Variants in ALK observed in about 807,000 individuals in gnomAD.
ALK encodes ALK tyrosine kinase receptor.
A neutral mutation model predicts 163.1 loss-of-function variants in ALK; 74 were observed. That is an observed-to-expected ratio of 0.45 (90% CI 0.38 to 0.55). The LOEUF (loss-of-function observed/expected upper bound fraction) is 0.55. Ranked by LOEUF, ALK falls within the 20% of genes least tolerant of loss-of-function variation. ALK has a pLI of 0.00. For synonymous variants in ALK, 960 were observed against 843.2 expected (o/e 1.14, Z -2.40); for missense variants, 2,063 against 2,105.3 (o/e 0.98, Z 0.39).
At chr2:29,488,233 G>A (rs1167316458) in intron 4 of ALK, among the ~76,000 whole-genome samples, 1 of 152,056 alleles carries the variant, frequency 6.6e-6, no homozygotes, top group Non-Finnish European at 1.5e-5. Context: ...TGCTTTTCAG[G>A]CAACTGACAA....
intron 1 of ALK, among the ~76,000 whole-genome samples, chr2:29,919,098 G>A (rs1667913275): frequency 6.6e-6 from 1 of 152,178 alleles, no homozygotes; most frequent in Admixed American, 6.5e-5. Context: ...AAATGAGGGA[G>A]TAAATGAAAC....
intron 3 of ALK, among the ~76,000 whole-genome samples, chr2:29,544,680 C>A (rs1302226854): frequency 6.6e-6 from 1 of 151,900 alleles, no homozygotes; most frequent in East Asian, 1.9e-4. Context: ...GTCTTTTCTG[C>A]TTGTCTGACT....
intron 4 of ALK, among the ~76,000 whole-genome samples, chr2:29,427,145 C>G (rs547306232): frequency 2.8e-3 from 68 of 24,296 alleles, no homozygotes; most frequent in Non-Finnish European, 6.0e-3. Context: ...TGATAATAAC[C>G]GCACAAAGGA....
chr2:29,412,800 G>GC (rs1558313187), intron 4 of ALK, among the ~76,000 whole-genome samples: 1 of 152,170 alleles, frequency 6.6e-6, no homozygotes, highest in Non-Finnish European at 1.5e-5. Flanking sequence ...TTGCAAACAA[G>GC]CTTTTTGCTT....
intron 1 of ALK, among the ~76,000 whole-genome samples, chr2:29,825,326 G>A (rs779435642): frequency 3.9e-5 from 6 of 152,188 alleles, no homozygotes; most frequent in Non-Finnish European, 8.8e-5. Flanking sequence ...AGTGCCTATT[G>A]TGTGGTCAGA....
intron 1 of ALK, among the ~76,000 whole-genome samples, chr2:29,864,303 C>T (rs1666370034): frequency 6.6e-6 from 1 of 152,202 alleles, no homozygotes; most frequent in African/African-American, 2.4e-5. Context: ...TTTGCCCAAA[C>T]CACTTCTCAT....
rs2148290067 is a variant in ALK, at chr2:29,695,012, G to C, written c.790C>G (p.Leu264Val). ...PFLSHRSRYGLECSFDFPCEL... is the reference protein window; with the variant it reads ...PFLSHRSRYGVECSFDFPCEL... The stretch of plus-strand genomic sequence containing the variant: ...CAGGGGAAGTCAAAGCTGCACTCCA[G>C]ACCTGCAATAATAGCCAAGGGTCAA... Residue 264 changes from leucine to valine, a missense_variant and splice_region_variant, in exon 3 of 29, where the codon CTG becomes GTG. Physicochemically the swap from Leu to Val is conservative, Grantham distance 32. This residue lies in a region of ALK where 987 missense variants were observed against 939.5 expected (regional missense o/e 1.05). Coordinates refer to ENST00000389048, the MANE Select transcript of ALK (RefSeq NM_004304.5). 6.2e-7 allele frequency: 1 copy of C among 1,614,022 alleles called. No individual in the cohort carries two copies. The highest frequency in any genetic ancestry group is 8.5e-7 in the Non-Finnish European group (1 of 1,179,962).
At chr2:29,891,990 C>G (rs908485559) in intron 1 of ALK, among the ~76,000 whole-genome samples, 1 of 152,212 alleles carries the variant, frequency 6.6e-6, no homozygotes, top group Non-Finnish European at 1.5e-5. Context: ...CCCAGTCAAC[C>G]GGCTTTCTAT....
At chr2:29,717,502 C>T in intron 2 of ALK, 76 bp downstream of exon 2, 1 of 1,579,948 alleles carries the variant, frequency 6.3e-7, no homozygotes, top group Non-Finnish European at 8.7e-7. Context: ...ACTATGAATC[C>T]CAAACTGAAA....
intron 1 of ALK, among the ~76,000 whole-genome samples, chr2:29,789,810 G>A (rs1027337966): frequency 1.3e-5 from 2 of 152,176 alleles, no homozygotes; most frequent in African/African-American, 4.8e-5. Context: ...AGTGGAACCT[G>A]GATAATATTA....
At chr2:29,335,284 T>C (rs1667577264) in intron 5 of ALK, among the ~76,000 whole-genome samples, 1 of 152,184 alleles carries the variant, frequency 6.6e-6, no homozygotes, top group Admixed American at 6.5e-5. Context: ...CATATTAGCC[T>C]TTGAAATGGC....
rs749074853 is a variant in ALK, at chr2:29,209,829, C to G, written c.3793G>C (p.Val1265Leu). Residue 1265 changes from valine to leucine, a missense_variant, in exon 25 of 29, where the codon GTG (valine) becomes CTG (leucine). Val to Leu is a conservative substitution (Grantham distance 32, BLOSUM62 1). This residue lies in a region of ALK where 83 missense variants were observed against 139.7 expected (regional missense o/e 0.59). Transcript: ENST00000389048. ...ATCCCGAAGTCTCCAATCTTGGCCA[C>G]TCTTCCAGGGCCTGGACAGGTCAAG... is the stretch of plus-strand genomic sequence containing the variant. ...CLLTCPGPGRVAKIGDFGMAR... is the reference protein window; with the variant it reads ...CLLTCPGPGRLAKIGDFGMAR... 1 of 1,614,198 alleles carries G rather than the reference C, an allele frequency of 6.2e-7. No individual in the cohort carries two copies.
chr2:29,568,984 G>A (rs1308225442), intron 3 of ALK, among the ~76,000 whole-genome samples: 1 of 152,120 alleles, frequency 6.6e-6, no homozygotes, highest in African/African-American at 2.4e-5. Flanking sequence ...CAGGGCGGGG[G>A]ATGAGTCTTT....
intron 1 of ALK, among the ~76,000 whole-genome samples, chr2:29,780,103 G>C (rs1313938419): frequency 2.0e-5 from 3 of 152,192 alleles, no homozygotes; most frequent in Admixed American, 2.0e-4. Context: ...CAAAAACGCA[G>C]ACTGAAGATT....
At chr2:29,308,175 A>G (rs183872765) in intron 8 of ALK, among the ~76,000 whole-genome samples, 153 of 152,236 alleles carry the variant, frequency 1.0e-3, no homozygotes, top group Non-Finnish European at 1.8e-3. Context: ...ATGTTTATGA[A>G]GACTAATATT....
chr2:29,845,797 C>G (rs531498919), intron 1 of ALK, among the ~76,000 whole-genome samples: 3 of 152,272 alleles, frequency 2.0e-5, no homozygotes, highest in South Asian at 2.1e-4. Flanking sequence ...GGAAGACTCC[C>G]AGAAACCTTT....
intron 9 of ALK, among the ~76,000 whole-genome samples, chr2:29,279,358 C>T (rs1197776691): frequency 6.6e-6 from 1 of 152,182 alleles, no homozygotes; most frequent in Non-Finnish European, 1.5e-5. Context: ...CACATGGGTG[C>T]CTCTGTCCAT....
chr2:29,792,189 T>C (rs752791907), intron 1 of ALK, among the ~76,000 whole-genome samples: 3 of 152,152 alleles, frequency 2.0e-5, no homozygotes, highest in Non-Finnish European at 4.4e-5. Flanking sequence ...ATACATTAGG[T>C]ATTTTATAAA....
At chr2:29,568,965 T>C (rs538094494) in intron 3 of ALK, among the ~76,000 whole-genome samples, 31 of 147,858 alleles carry the variant, frequency 2.1e-4, no homozygotes, top group African/African-American at 7.4e-4. Context: ...CCTTTTACCT[T>C]GGGTGGGACA....
Sources: gnomAD v4.1 joint callset for allele counts (sites outside exome capture counted in the v4.1 genomes callset) on GRCh38, gnomAD v4.1.1 for gene constraint, gnomAD v4.1.1 regional missense constraint, MANE v1.5 for transcripts, NCBI Gene and HGNC (gene_info 2026-07-23, HGNC 2026-07-21) for gene names.